The following GPC6 variants were observed in gnomAD, a reference collection of about 807,000 sequenced individuals.
GPC6 encodes the protein glypican 6.
In GPC6, 14 loss-of-function variants were observed where a neutral mutation model predicts 55.2. The ratio of observed to expected loss-of-function variants is 0.25; its 90% CI spans 0.17 to 0.40. The LOEUF is 0.40. Ranked by LOEUF, GPC6 falls within the 10% of genes least tolerant of loss-of-function variation. The pLI, the probability that GPC6 is intolerant of heterozygous loss-of-function variation, is 1.00. For missense variants in GPC6, 641 were observed against 708.5 expected (o/e 0.90, Z 1.08); for synonymous variants, 278 against 259.6 (o/e 1.07, Z -0.68).
intron 3 of GPC6, among the ~76,000 whole-genome samples, chr13:93,845,264 A>T (rs1888129115): frequency 6.6e-6 from 1 of 151,748 alleles, no homozygotes; most frequent in East Asian, 1.9e-4. Context: ...AGAGAAATGC[A>T]AATCAAAACC....
chr13:93,742,976 G>A (rs1446058769), intron 2 of GPC6, among the ~76,000 whole-genome samples: 1 of 152,124 alleles, frequency 6.6e-6, no homozygotes, highest in Non-Finnish European at 1.5e-5. Flanking sequence ...TAGGGGTCGT[G>A]TACAGGATTC....
chr13:93,275,077 A>G (rs1482240961), intron 1 of GPC6, among the ~76,000 whole-genome samples: 1 of 152,192 alleles, frequency 6.6e-6, no homozygotes, highest in African/African-American at 2.4e-5. Context: ...ATTGAGAAAT[A>G]TTACAGGTCC....
intron 8 of GPC6, among the ~76,000 whole-genome samples, chr13:94,402,667 G>C (rs1881192875): frequency 6.6e-6 from 1 of 152,188 alleles, no homozygotes; most frequent in Middle Eastern, 3.2e-3. Flanking sequence ...AAAGGAAAGT[G>C]GTTAATTAAC....
At chr13:93,680,655 G>C (rs539853339) in intron 2 of GPC6, among the ~76,000 whole-genome samples, 1 of 152,172 alleles carries the variant, frequency 6.6e-6, no homozygotes, top group African/African-American at 2.4e-5. Flanking sequence ...GACTGATAAC[G>C]CTTATATGGT....
chr13:93,977,589 T>C (rs964575464), intron 3 of GPC6, among the ~76,000 whole-genome samples: 1 of 151,790 alleles, frequency 6.6e-6, no homozygotes, highest in Non-Finnish European at 1.5e-5. Flanking sequence ...ACAGAACTTG[T>C]TGGAGAGAGC....
intron 3 of GPC6, among the ~76,000 whole-genome samples, chr13:94,024,960 C>T (rs1048286139): frequency 1.3e-5 from 2 of 152,040 alleles, no homozygotes; most frequent in African/African-American, 4.8e-5. Flanking sequence ...CATTGTAATA[C>T]CTTATATGAT....
chr13:93,723,138 G>C (rs1402935794), intron 2 of GPC6, among the ~76,000 whole-genome samples: 1 of 151,904 alleles, frequency 6.6e-6, no homozygotes, highest in Non-Finnish European at 1.5e-5. Flanking sequence ...TTAATATAAG[G>C]ATGCTTTACT....
intron 3 of GPC6, among the ~76,000 whole-genome samples, chr13:93,942,436 C>T (rs8002875): frequency 0.016 from 2,404 of 152,284 alleles, 74 homozygotes; most frequent in African/African-American, 0.055. Context: ...CCTCCCACCT[C>T]AGCCTCCTGA....
At chr13:93,818,036 A>T (rs7330375) in intron 2 of GPC6, among the ~76,000 whole-genome samples, 97,593 of 146,788 alleles carry the variant, frequency 0.66, 33,057 homozygotes, top group East Asian at 0.81. Context: ...GATGTATTTA[A>T]TTATACAGTA....
intron 4 of GPC6, among the ~76,000 whole-genome samples, chr13:94,031,093 CGTGT>C: frequency 6.7e-6 from 1 of 148,706 alleles, no homozygotes; most frequent in Middle Eastern, 3.5e-3. Flanking sequence ...TGTGTGTGTG[CGTGT>C]GTGTGTGCGT....
chr13:93,683,707 C>G (rs2138769590), intron 2 of GPC6, among the ~76,000 whole-genome samples: 1 of 152,254 alleles, frequency 6.6e-6, no homozygotes, highest in African/African-American at 2.4e-5. Flanking sequence ...ATTGTGTCTT[C>G]TTTGTAGATG....
At chr13:93,753,624 A>G (rs1379366162) in intron 2 of GPC6, among the ~76,000 whole-genome samples, 1 of 152,140 alleles carries the variant, frequency 6.6e-6, no homozygotes, top group Non-Finnish European at 1.5e-5. Flanking sequence ...AAAATGTACA[A>G]TTGAGTTATT....
chr13:94,189,582 T>C (rs1260797670), intron 4 of GPC6, among the ~76,000 whole-genome samples: 1 of 152,220 alleles, frequency 6.6e-6, no homozygotes, highest in East Asian at 1.9e-4. Flanking sequence ...CACCTCTAGA[T>C]TGTTATGTCA....
At chr13:93,766,562 A>G (rs1292341921) in intron 2 of GPC6, among the ~76,000 whole-genome samples, 1 of 152,116 alleles carries the variant, frequency 6.6e-6, no homozygotes, top group African/African-American at 2.4e-5. Context: ...TTTGAAATAA[A>G]AATTTAAAAA....
At chr13:93,496,180 C>G (rs1403493237) in intron 1 of GPC6, among the ~76,000 whole-genome samples, 1 of 152,032 alleles carries the variant, frequency 6.6e-6, no homozygotes, top group African/African-American at 2.4e-5. Context: ...AGCGAGAGTC[C>G]GTGGGCGTAG....
At chr13:93,246,036 C>A (rs1876593462) in intron 1 of GPC6, among the ~76,000 whole-genome samples, 1 of 152,142 alleles carries the variant, frequency 6.6e-6, no homozygotes, top group South Asian at 2.1e-4. Context: ...ACCTATGACT[C>A]TTAATTAATT....
intron 2 of GPC6, among the ~76,000 whole-genome samples, chr13:93,654,306 TGCAGTG>T: frequency 6.6e-6 from 1 of 152,156 alleles, no homozygotes; most frequent in South Asian, 2.1e-4. Context: ...CAGGCTGGAG[TGCAGTG>T]GCGCCATCTT....
At chr13:94,345,268 T>TTA (rs534118909) in intron 6 of GPC6, among the ~76,000 whole-genome samples, 56 of 152,228 alleles carry the variant, frequency 3.7e-4, no homozygotes, top group Admixed American at 1.2e-3. Flanking sequence ...ACACCAAGTT[T>TTA]TATATATATA....
At chr13:93,494,104 T>TC in intron 1 of GPC6, among the ~76,000 whole-genome samples, 1 of 118,586 alleles carries the variant, frequency 8.4e-6, no homozygotes, top group Non-Finnish European at 1.8e-5. Flanking sequence ...CGTTGATCTG[T>TC]CTAATGTTGA....
Sources: allele counts gnomAD v4.1 joint callset (sites outside exome capture counted in the v4.1 genomes callset), GRCh38; gene constraint gnomAD v4.1.1; transcripts MANE v1.5; gene names NCBI Gene and HGNC (gene_info 2026-07-23, HGNC 2026-07-21).